RAB11FIP4: variants seen among roughly 807,000 people sequenced by gnomAD.
The protein encoded by RAB11FIP4 is RAB11 family interacting protein 4, also known as rab11 family-interacting protein 4.
In RAB11FIP4, 23 loss-of-function variants were observed where a neutral mutation model predicts 74.3. The ratio of observed to expected loss-of-function variants is 0.31; its 90% CI spans 0.22 to 0.44. RAB11FIP4 has a LOEUF of 0.44. Among genes scored for constraint, RAB11FIP4 ranks in the 20% least tolerant of loss-of-function variants. The probability of loss-of-function intolerance (pLI) is 1.00; values close to 1 mark genes in which losing one functional copy is unlikely to be tolerated. For missense variants in RAB11FIP4, 630 were observed against 863.9 expected (o/e 0.73, Z 3.39); for synonymous variants, 360 against 359.9 (o/e 1.00, Z 0.00).
At chr17:31,392,041 G>C in intron 1 of RAB11FIP4, 30 bp downstream of exon 1, 3 of 1,248,406 alleles carry the variant, frequency 2.4e-6, no homozygotes, top group Non-Finnish European at 3.0e-6. Flanking sequence ...GTCCCGGCCC[G>C]GGGACCCCAG....
chr17:31,509,173 T>G (rs569033605), intron 3 of RAB11FIP4: 1 of 152,550 alleles, frequency 6.6e-6, no homozygotes, highest in Admixed American at 6.5e-5. Flanking sequence ...GCCCAGGAGT[T>G]TGAAACCAGC....
chr17:31,483,510 A>T (rs780210938), intron 3 of RAB11FIP4, among the ~76,000 whole-genome samples: 52 of 152,320 alleles, frequency 3.4e-4, no homozygotes, highest in Admixed American at 1.5e-3. Flanking sequence ...CCCTTTATTC[A>T]CATGAAGTTT....
chr17:31,398,170 C>A (rs768780564), intron 1 of RAB11FIP4, among the ~76,000 whole-genome samples: 1 of 152,172 alleles, frequency 6.6e-6, no homozygotes, highest in Non-Finnish European at 1.5e-5. Flanking sequence ...TCCCGAGTAG[C>A]TGGGATTACA....
At chr17:31,504,900 G>A (rs73988075) in intron 3 of RAB11FIP4, among the ~76,000 whole-genome samples, 7,504 of 152,216 alleles carry the variant, frequency 0.049, 600 homozygotes, top group African/African-American at 0.17. Flanking sequence ...CGCATCACCC[G>A]AGAACTTGTT....
chr17:31,460,224 T>C (rs981506917), intron 3 of RAB11FIP4, among the ~76,000 whole-genome samples: 6 of 152,182 alleles, frequency 3.9e-5, no homozygotes, highest in African/African-American at 9.7e-5. Flanking sequence ...GGCTGTTGTT[T>C]AAAAAATAAA....
At chr17:31,394,314 T>G (rs1423925281) in intron 1 of RAB11FIP4, among the ~76,000 whole-genome samples, 5 of 152,224 alleles carry the variant, frequency 3.3e-5, no homozygotes, top group Admixed American at 3.3e-4. Context: ...AACCTGATTT[T>G]TTTTGCCGGT....
In RAB11FIP4 at chr17:31,523,892, G is replaced by A; in HGVS notation, c.1030-1G>A. The stretch of plus-strand genomic sequence containing the variant: ...CACCCCACCCCGGCCCCCTGCTGCA[G>A]GTAAGCTTCCTGGAAAAGAAGGTGA... On this transcript the variant is annotated splice_acceptor_variant, in intron 8 of 14. Transcript: ENST00000621161. LOFTEE classifies it high-confidence loss of function. 1.9e-6 allele frequency: 3 copies of A among 1,608,176 alleles called. No homozygotes were observed. The highest frequency in any genetic ancestry group is 2.5e-6 in the Non-Finnish European group (3 of 1,177,242).
intron 3 of RAB11FIP4, among the ~76,000 whole-genome samples, chr17:31,496,538 G>A (rs781532699): frequency 3.3e-5 from 5 of 152,150 alleles, no homozygotes; most frequent in South Asian, 4.1e-4. Context: ...TTCTTCCCTC[G>A]TCCTTCTCCC....
At chr17:31,464,642 G>A (rs1406637719) in intron 3 of RAB11FIP4, among the ~76,000 whole-genome samples, 2 of 150,192 alleles carry the variant, frequency 1.3e-5, no homozygotes, top group Non-Finnish European at 3.0e-5. Context: ...GTAGAAACGA[G>A]GTTTCACCAT....
At chr17:31,436,465 G>A (rs1000418153) in intron 3 of RAB11FIP4, among the ~76,000 whole-genome samples, 5 of 152,192 alleles carry the variant, frequency 3.3e-5, no homozygotes, top group East Asian at 3.9e-4. Flanking sequence ...TAGGGGTGAC[G>A]TGTTCCCTGT....
At position 31,475,015 on chromosome 17, in the gene RAB11FIP4, C is replaced by T. The variant is rs117771051; in HGVS notation, c.336+40893C>T. 8.5e-3 allele frequency among the ~76,000 whole-genome samples: 1,285 copies of T among 152,064 alleles called. 9 individuals carry two copies. Among genetic ancestry groups the T allele is most frequent in the Non-Finnish European group, 0.014 (937 of 68,014 alleles). ...GAGGAACTTGAAGGAACGTTTAAAG[C>T]CAGGGGCATAATGTGGTGAGGAGAG... On this transcript the variant is annotated intron_variant, in intron 3 of 14. Transcript: ENST00000621161.
chr17:31,396,052 C>T lies in RAB11FIP4; in HGVS notation c.159+4041C>T, dbSNP rs568329016. Among the ~76,000 whole-genome samples, 6 of 151,904 alleles carry T rather than the reference C, an allele frequency of 3.9e-5. No individual in the cohort carries two copies. The East Asian group carries it at 7.8e-4, about 20-fold the overall frequency. On this transcript the variant is annotated intron_variant, in intron 1 of 14. Coordinates refer to ENST00000621161, the MANE Select transcript of RAB11FIP4 (RefSeq NM_032932.6). ...TACAAAAATTAGCCCGGTGTAGTGGCGTGCACCTGTAATCCCAGCTAGTTG... is the reference window on the plus strand; with the variant it reads ...TACAAAAATTAGCCCGGTGTAGTGGTGTGCACCTGTAATCCCAGCTAGTTG...
At chr17:31,474,291 G>A (rs1294353792) in intron 3 of RAB11FIP4, among the ~76,000 whole-genome samples, 1 of 152,202 alleles carries the variant, frequency 6.6e-6, no homozygotes, top group Non-Finnish European at 1.5e-5. Context: ...CAGGCTAGGT[G>A]AGAAGGGAAG....
intron 3 of RAB11FIP4, among the ~76,000 whole-genome samples, chr17:31,487,427 T>C (rs1327046489): frequency 6.6e-6 from 1 of 151,916 alleles, no homozygotes; most frequent in Non-Finnish European, 1.5e-5. Flanking sequence ...ACATAAATAG[T>C]ATTTACTAGC....
intron 3 of RAB11FIP4, among the ~76,000 whole-genome samples, chr17:31,508,177 G>A (rs1418339147): frequency 6.6e-6 from 1 of 152,210 alleles, no homozygotes; most frequent in East Asian, 1.9e-4. Flanking sequence ...TGGAACGGAA[G>A]TGGCACAGTG....
chr17:31,417,054 C>T (rs1413238782), intron 1 of RAB11FIP4, among the ~76,000 whole-genome samples: 1 of 151,046 alleles, frequency 6.6e-6, no homozygotes, highest in Non-Finnish European at 1.5e-5. Context: ...AGACCCCCTG[C>T]GTTTGCCAGC....
At chr17:31,503,748 T>C (rs2072265027) in intron 3 of RAB11FIP4, among the ~76,000 whole-genome samples, 1 of 149,830 alleles carries the variant, frequency 6.7e-6, no homozygotes, top group Admixed American at 6.6e-5. Flanking sequence ...TTGAAGCTCA[T>C]GTTGGTCTGT....
rs559266824 is a variant in RAB11FIP4 at position 31,419,553 on chromosome 17, C to CT, written c.160-12245dup. Among the ~76,000 whole-genome samples the CT allele has an allele frequency of 8.4e-3, 1,154 of 138,106 alleles. 12 individuals carry two copies. The highest frequency in any genetic ancestry group is 0.027 in the Middle Eastern group (7 of 260). 90.6% of individuals were successfully genotyped at this position (138,106 alleles called of 152,430 possible). A position where few individuals can be genotyped will look rare whatever the true frequency, so the allele number is the denominator to read the frequency against. ...ATATTGGTTTGTAGTTTTCTTTTTT[C>CT]TTTTTTTTTTTTTTTGAGACTGAGT... On this transcript the variant is annotated intron_variant, in intron 1 of 14. Coordinates refer to ENST00000621161, the MANE Select transcript of RAB11FIP4 (RefSeq NM_032932.6).
chr17:31,459,717 G>C (rs571135682), intron 3 of RAB11FIP4, among the ~76,000 whole-genome samples: 1 of 152,040 alleles, frequency 6.6e-6, no homozygotes, highest in South Asian at 2.1e-4. Context: ...GACACAGCTC[G>C]GCTGCCACCC....
Sources: gnomAD v4.1 joint callset for allele counts (sites outside exome capture counted in the v4.1 genomes callset) on GRCh38, gnomAD v4.1.1 for gene constraint, MANE v1.5 for transcripts, NCBI Gene and HGNC (gene_info 2026-07-23, HGNC 2026-07-21) for gene names.